The following TASP1 variants were observed in gnomAD, a reference collection of about 807,000 sequenced individuals.
TASP1 encodes threonine aspartase 1.
TASP1 carries 16 observed loss-of-function variants against 56.6 expected under a neutral mutation model. That is an observed-to-expected ratio of 0.28 (90% CI 0.19 to 0.43). TASP1 has a LOEUF of 0.43. TASP1 is among the 20% of genes least tolerant of loss of function. TASP1 has a pLI of 1.00. For missense variants in TASP1, 393 were observed against 511.6 expected, an observed-to-expected ratio of 0.77 and a Z score of 2.24; for synonymous variants, 179 against 184.2, an observed-to-expected ratio of 0.97 and a Z score of 0.23.
chr20:13,355,519 T>A, the TASP1 span, among the ~76,000 whole-genome samples: 12 of 152,352 alleles, frequency 7.9e-5, no homozygotes, highest in African/African-American at 2.9e-4. Context: ...CTTTGTTCCA[T>A]GGTGTTTTAG....
At chr20:13,435,297 T>C in intron 11 of TASP1, 143 bp from the exon 12 acceptor site, 1 of 649,426 alleles carries the variant, frequency 1.5e-6, no homozygotes, top group East Asian at 2.8e-5. Flanking sequence ...TACCTCATTA[T>C]ATACTTGATG....
Position 13,615,511 on chromosome 20 carries a change from T to G in TASP1, c.282+7935A>C, listed in dbSNP as rs367809645. 3.7e-3 allele frequency among the ~76,000 whole-genome samples: 560 copies of G among 150,832 alleles called. 4 individuals carry two copies. The highest frequency in any genetic ancestry group is 0.012 in the East Asian group (61 of 5,154). Reference sequence around the variant, plus strand: ...TCTTGATGAGAATCTGGTTTTTTTTTTTTTTTTTTTTGAGACACAGTCTTG... The same window carrying G: ...TCTTGATGAGAATCTGGTTTTTTTTGTTTTTTTTTTTGAGACACAGTCTTG... On this transcript the variant is annotated intron_variant, in intron 4 of 13. Transcript: ENST00000337743.
At chr20:13,560,695 T>G (rs1398243713) in intron 7 of TASP1, among the ~76,000 whole-genome samples, 1 of 152,142 alleles carries the variant, frequency 6.6e-6, no homozygotes, top group African/African-American at 2.4e-5. Flanking sequence ...AAACTATCTC[T>G]GAGAAACTTT....
At chr20:13,113,210 C>T in the TASP1 span, among the ~76,000 whole-genome samples, 1 of 152,056 alleles carries the variant, frequency 6.6e-6, no homozygotes, top group Non-Finnish European at 1.5e-5. Flanking sequence ...AAAATTATTT[C>T]CCGTAGGATT....
intron 12 of TASP1, among the ~76,000 whole-genome samples, chr20:13,422,290 G>T (rs940817183): frequency 6.6e-6 from 1 of 152,086 alleles, no homozygotes; most frequent in Non-Finnish European, 1.5e-5. Context: ...GCCAAGAAGG[G>T]TTTAACGTTT....
chr20:13,118,559 G>A, the TASP1 span, among the ~76,000 whole-genome samples: 2 of 152,030 alleles, frequency 1.3e-5, no homozygotes, highest in African/African-American at 2.4e-5. Flanking sequence ...AGATAAAGGA[G>A]CCAGTTATCT....
chr20:13,173,641 T>C, the TASP1 span, among the ~76,000 whole-genome samples: 1 of 152,156 alleles, frequency 6.6e-6, no homozygotes, highest in African/African-American at 2.4e-5. Flanking sequence ...CTGGCCCATA[T>C]GCTCCTCAGG....
At chr20:13,116,147 C>T in the TASP1 span, among the ~76,000 whole-genome samples, 40 of 151,864 alleles carry the variant, frequency 2.6e-4, no homozygotes, top group Middle Eastern at 3.4e-3. Flanking sequence ...AACCAACACC[C>T]GTTGGTCTGG....
At chr20:13,595,646 T>C (rs2047700233) in intron 4 of TASP1, among the ~76,000 whole-genome samples, 1 of 152,028 alleles carries the variant, frequency 6.6e-6, no homozygotes, top group Admixed American at 6.6e-5. Flanking sequence ...TACATAATGG[T>C]AAAGGGATCA....
intron 11 of TASP1, among the ~76,000 whole-genome samples, chr20:13,439,562 C>G (rs55780323): frequency 6.6e-6 from 1 of 151,962 alleles, no homozygotes; most frequent in African/African-American, 2.4e-5. Context: ...TGTTAAGTGA[C>G]GAGTTACTGG....
the TASP1 span, among the ~76,000 whole-genome samples, chr20:13,192,898 A>G: frequency 6.6e-6 from 1 of 152,142 alleles, no homozygotes; most frequent in African/African-American, 2.4e-5. Context: ...AATGTATTGG[A>G]GTGATTATAG....
At chr20:13,415,670 T>C (rs2042231327) in intron 13 of TASP1, among the ~76,000 whole-genome samples, 1 of 151,152 alleles carries the variant, frequency 6.6e-6, no homozygotes, top group African/African-American at 2.4e-5. Context: ...AGGCCAAATA[T>C]CTTCGGGCTC....
the TASP1 span, among the ~76,000 whole-genome samples, chr20:13,359,696 A>G: frequency 7.6e-6 from 1 of 131,888 alleles, no homozygotes; most frequent in Non-Finnish European, 1.5e-5. Flanking sequence ...CTTTTTAGTT[A>G]TCCCCACCTG....
In TASP1 at chr20:13,607,282, G is replaced by C. The variant is rs141918682; in HGVS notation, c.282+16164C>G. Among the ~76,000 whole-genome samples the C allele has an allele frequency of 3.6e-3, 543 of 152,226 alleles. 3 individuals are homozygous for C. The highest frequency in any genetic ancestry group is 0.012 in the African/African-American group (512 of 41,552). On this transcript the variant is annotated intron_variant, in intron 4 of 13. Transcript: ENST00000337743. ...AGGAGCTACTCTCCCACCACGACAT[G>C]GAAACCCTTTCCTATTAATGAAATT... is the stretch of plus-strand genomic sequence containing the variant.
At chr20:13,189,352 A>C in the TASP1 span, among the ~76,000 whole-genome samples, 1 of 152,250 alleles carries the variant, frequency 6.6e-6, no homozygotes, top group African/African-American at 2.4e-5. Context: ...AGAAACTGTC[A>C]ACAGAGTAAA....
At chr20:13,175,173 T>C in the TASP1 span, among the ~76,000 whole-genome samples, 1 of 152,192 alleles carries the variant, frequency 6.6e-6, no homozygotes, top group South Asian at 2.1e-4. Context: ...CAATTCTACC[T>C]CTGAGAATTT....
At chr20:13,327,068 A>T in the TASP1 span, among the ~76,000 whole-genome samples, 1 of 152,146 alleles carries the variant, frequency 6.6e-6, no homozygotes. Context: ...AAACCCCATT[A>T]TCTCAGCCCA....
At chr20:13,531,528 T>C (rs997622672) in intron 9 of TASP1, among the ~76,000 whole-genome samples, 27 of 151,448 alleles carry the variant, frequency 1.8e-4, no homozygotes, top group African/African-American at 6.6e-4. Flanking sequence ...AATCTTGCTC[T>C]GTCTCCCAGG....
chr20:13,434,439 G>A (rs1419188953), intron 12 of TASP1, among the ~76,000 whole-genome samples: 1 of 152,068 alleles, frequency 6.6e-6, no homozygotes, highest in African/African-American at 2.4e-5. Flanking sequence ...ATCCCCACTG[G>A]TGCTTGGGTA....
Sources: gnomAD v4.1 joint callset for allele counts (sites outside exome capture counted in the v4.1 genomes callset) on GRCh38, gnomAD v4.1.1 for gene constraint, MANE v1.5 for transcripts, NCBI Gene and HGNC (gene_info 2026-07-23, HGNC 2026-07-21) for gene names.